Variants in TUBA1C observed in about 807,000 individuals in gnomAD.
TUBA1C encodes tubulin alpha 1c, also known as tubulin alpha-1C chain.
In TUBA1C, 16 loss-of-function variants were observed where a neutral mutation model predicts 34.9. The observed-to-expected ratio is 0.46, with a 90% CI of 0.31 to 0.70. The LOEUF (loss-of-function observed/expected upper bound fraction) is 0.70. TUBA1C is among the 30% of genes least tolerant of loss of function. The pLI, the probability that TUBA1C is intolerant of heterozygous loss-of-function variation, is 0.05. For missense variants in TUBA1C, 329 were observed against 587.3 expected (o/e 0.56, Z 4.55); for synonymous variants, 177 against 215.9 (o/e 0.82, Z 1.58).
At chr12:49,256,290 G>A (rs1446700126) in intron 1 of TUBA1C, 1 of 342,248 alleles carries the variant, frequency 2.9e-6, no homozygotes, top group Non-Finnish European at 6.0e-6. Context: ...AACAACTTTG[G>A]TTTATTATCA....
In TUBA1C at chr12:49,273,293, A is replaced by T; in HGVS notation, c.*66A>T. On this transcript the variant is annotated 3_prime_UTR_variant, in exon 4 of 4. Coordinates refer to ENST00000301072, the MANE Select transcript of TUBA1C (RefSeq NM_032704.5). ...TCTTATTTTTGTTCTGTAAATGTCT[A>T]TTGCCGTAAATTGTTAATAAAATTG... 6.2e-7 allele frequency: 1 copy of T among 1,611,882 alleles called. No individual in the cohort carries two copies.
intron 3 of TUBA1C, chr12:49,270,192 C>A: frequency 1.1e-6 from 1 of 933,592 alleles, no homozygotes; most frequent in Non-Finnish European, 1.6e-6. Flanking sequence ...TATTTTGCTT[C>A]AAGCTGAGAC....
intron 1 of TUBA1C, among the ~76,000 whole-genome samples, chr12:49,259,715 A>G (rs1942823679): frequency 6.6e-6 from 1 of 152,200 alleles, no homozygotes; most frequent in Non-Finnish European, 1.5e-5. Context: ...GCTGTACATG[A>G]GTAAGAAGAG....
At chr12:49,238,147 T>C (rs1047749301) in intron 1 of TUBA1C, among the ~76,000 whole-genome samples, 4 of 150,728 alleles carry the variant, frequency 2.7e-5, no homozygotes, top group African/African-American at 9.8e-5. Flanking sequence ...AATGCATGAG[T>C]GAACTGTATC....
chr12:49,250,250 C>T (rs976681313), intron 1 of TUBA1C, among the ~76,000 whole-genome samples: 1 of 151,458 alleles, frequency 6.6e-6, no homozygotes, highest in Non-Finnish European at 1.5e-5. Flanking sequence ...ACTGGCTGGG[C>T]GTGGTGGCTT....
intron 3 of TUBA1C, among the ~76,000 whole-genome samples, chr12:49,271,295 A>G (rs1454986767): frequency 6.6e-6 from 1 of 152,226 alleles, no homozygotes; most frequent in Non-Finnish European, 1.5e-5. Flanking sequence ...AAGAGTTTAC[A>G]ACAGAATACT....
chr12:49,260,413 T>G (rs1270745175), upstream of TUBA1C, among the ~76,000 whole-genome samples: 1 of 152,166 alleles, frequency 6.6e-6, no homozygotes, highest in Non-Finnish European at 1.5e-5. Context: ...AGAAAATGTG[T>G]AATTTCAGAG....
intron 1 of TUBA1C, among the ~76,000 whole-genome samples, chr12:49,244,543 A>T (rs1289781208): frequency 1.3e-5 from 2 of 151,754 alleles, no homozygotes; most frequent in Admixed American, 6.6e-5. Context: ...TTCTATTATG[A>T]CCAAATTTTC....
intron 1 of TUBA1C, among the ~76,000 whole-genome samples, chr12:49,245,372 G>A (rs549637919): frequency 5.3e-5 from 8 of 152,172 alleles, no homozygotes; most frequent in Non-Finnish European, 1.0e-4. Context: ...AGGCCAAGGT[G>A]GGAGGATCAC....
At chr12:49,263,642 T>G (rs1942863363), upstream of TUBA1C, among the ~76,000 whole-genome samples, 1 of 152,144 alleles carries the variant, frequency 6.6e-6, no homozygotes, top group Non-Finnish European at 1.5e-5. Flanking sequence ...AATTCACTTT[T>G]GTTCCCTCAA....
intron 1 of TUBA1C, among the ~76,000 whole-genome samples, chr12:49,247,556 A>G (rs1328769043): frequency 6.6e-6 from 1 of 152,080 alleles, no homozygotes; most frequent in Non-Finnish European, 1.5e-5. Context: ...GTGAGCCGAG[A>G]TTGCACCACT....
chr12:49,270,129 A>T, intron 3 of TUBA1C, 153 bp downstream of exon 3: 2 of 1,473,026 alleles, frequency 1.4e-6, no homozygotes, highest in Non-Finnish European at 1.9e-6. Context: ...TCTGAACCAG[A>T]TGATCTTGGA....
rs1158372046 is a variant in TUBA1C, at chr12:49,273,046, G to A, written c.1169G>A (p.Arg390His). Residue 390 changes from arginine to histidine, a missense_variant, in exon 4 of 4, where the codon CGC becomes CAC. By Grantham distance (29) the Arg-to-His change is conservative. This residue lies in a region of TUBA1C where 140 missense variants were observed against 289.8 expected (regional missense o/e 0.48). Transcript: ENST00000301072. Reference sequence around the variant, plus strand: ...ACAGCTGTTGCCGAGGCCTGGGCTCGCCTGGACCACAAGTTTGACCTGATG... The same window carrying A: ...ACAGCTGTTGCCGAGGCCTGGGCTCACCTGGACCACAAGTTTGACCTGATG... Reference protein sequence around the residue: ...NTTAVAEAWARLDHKFDLMYA... With the variant: ...NTTAVAEAWAHLDHKFDLMYA... 8.7e-6 allele frequency: 14 copies of A among 1,614,054 alleles called. No individual in the cohort carries two copies. Among genetic ancestry groups the A allele is most frequent in the Middle Eastern group, 3.3e-4 (2 of 6,084 alleles).
At chr12:49,242,324 G>A (rs1942625742) in intron 1 of TUBA1C, among the ~76,000 whole-genome samples, 1 of 152,032 alleles carries the variant, frequency 6.6e-6, no homozygotes, top group Non-Finnish European at 1.5e-5. Context: ...AAGGTGGCAT[G>A]AGGAAAAAAA....
rs933206043 is a variant in TUBA1C at position 49,272,612 on chromosome 12, T to G, written c.735T>G (p.Asp245Glu). 1 of 1,608,376 alleles carries G rather than the reference T, an allele frequency of 6.2e-7. No homozygotes were observed. Among genetic ancestry groups the G allele is most frequent in the African/African-American group, 1.3e-5 (1 of 74,114 alleles). The part of the protein sequence containing the change: ...VSSITASLRF[D>E]GALNVDLTEF... ...CCATCACTGCTTCCCTGAGATTTGA[T>G]GGAGCCCTGAATGTTGACCTGACAG... The change falls in exon 4 of 4, where the codon GAT (aspartate) becomes GAG (glutamate). Residue 245 changes from aspartate (D) to glutamate (E), a missense_variant. Physicochemically the swap from Asp to Glu is conservative, Grantham distance 45 (BLOSUM62 2). Coordinates refer to ENST00000301072, the MANE Select transcript of TUBA1C (RefSeq NM_032704.5).
At position 49,244,028 on chromosome 12, in the gene TUBA1C, T is replaced by C. The variant is rs574216553; in HGVS notation, c.213+15862T>C. On this transcript the variant is annotated intron_variant, in intron 1 of 3. Coordinates refer to the TUBA1C transcript ENST00000541364. ...ACCTGGGTGTGGTGGCGGGCACCTG[T>C]AATCCCAGCTACTCGGGAGGCTGAG... 3.3e-5 allele frequency among the ~76,000 whole-genome samples: 5 copies of C among 151,622 alleles called. No individual in the cohort carries two copies. In the East Asian group the frequency reaches 9.7e-4, roughly 29 times the overall value.
At chr12:49,254,534 T>G (rs113292994) in intron 1 of TUBA1C, among the ~76,000 whole-genome samples, 2,917 of 131,176 alleles carry the variant, frequency 0.022, 81 homozygotes, top group African/African-American at 0.071. Flanking sequence ...CAAATGAGGA[T>G]ATATATAGGG....
chr12:49,232,362 G>C (rs1324563757), intron 1 of TUBA1C, among the ~76,000 whole-genome samples: 2 of 152,112 alleles, frequency 1.3e-5, no homozygotes, highest in Non-Finnish European at 2.9e-5. Context: ...TGAACTCATT[G>C]CAGCCTGCCC....
rs561245746 is a variant in TUBA1C at position 49,234,078 on chromosome 12, G to C, written c.213+5912G>C. On this transcript the variant is annotated intron_variant, in intron 1 of 3. Transcript: ENST00000541364. ...TGATTGCAGAGGCTCCTGTCAAATG[G>C]GTGCAGAGAAAAGGGAAGTGGGGAG... 3.9e-5 allele frequency: 6 copies of C among 152,380 alleles called. No homozygotes were observed. The East Asian group carries it at 5.8e-4, about 15-fold the overall frequency. 9.4% of individuals were successfully genotyped at this position (152,380 alleles called of 1,614,324 possible). A position where few individuals can be genotyped will look rare whatever the true frequency, so the allele number is the denominator to read the frequency against.
Sources: gnomAD v4.1 joint callset for allele counts (sites outside exome capture counted in the v4.1 genomes callset) on GRCh38, gnomAD v4.1.1 for gene constraint, gnomAD v4.1.1 regional missense constraint, MANE v1.5 for transcripts, NCBI Gene and HGNC (gene_info 2026-07-23, HGNC 2026-07-21) for gene names.